The following TTC34 variants were observed in gnomAD, a reference collection of about 807,000 sequenced individuals.
The protein encoded by TTC34 is tetratricopeptide repeat protein 34.
Under a neutral mutation model 40.7 loss-of-function variants are expected in TTC34, and 44 were observed. That is an observed-to-expected ratio of 1.08 (90% CI 0.85 to 1.39). TTC34 has a LOEUF of 1.39. Ranked by LOEUF, TTC34 falls within the 40% of genes most tolerant of loss-of-function variation. TTC34 has a pLI of 0.00. For synonymous variants in TTC34, 422 were observed against 398.6 expected (o/e 1.06, Z -0.70); for missense variants, 884 against 838.0 (o/e 1.05, Z -0.68).
At chr1:2,795,164 C>T (rs577698429) in intron 2 of TTC34, among the ~76,000 whole-genome samples, 39 of 152,184 alleles carry the variant, frequency 2.6e-4, no homozygotes, top group African/African-American at 8.9e-4. Flanking sequence ...GGCAGGAGGA[C>T]TGCTTGAGCC....
At chr1:2,677,001 ACCCACCACT>A (rs1639929291) in intron 6 of TTC34, among the ~76,000 whole-genome samples, 1 of 83,154 alleles carries the variant, frequency 1.2e-5, no homozygotes, top group African/African-American at 3.7e-5. Flanking sequence ...CTGGAGCAGC[ACCCACCACT>A]CCCAGGCCAG....
chr1:2,787,635 A>G, exon 4 of TTC34: 1 of 1,549,978 alleles, frequency 6.5e-7, no homozygotes, highest in Non-Finnish European at 8.7e-7. Flanking sequence ...AGCCGCCAGG[A>G]GGCGAGAGGC....
chr1:2,759,238 C>T (rs1406793081), intron 6 of TTC34, among the ~76,000 whole-genome samples: 14 of 108,286 alleles, frequency 1.3e-4, no homozygotes, highest in Admixed American at 2.0e-4. Flanking sequence ...CACCCTGCAC[C>T]CCCGGTGCGC....
chr1:2,756,481 CT>C (rs1641510021), intron 6 of TTC34, among the ~76,000 whole-genome samples: 1 of 97,224 alleles, frequency 1.0e-5, no homozygotes, highest in Non-Finnish European at 1.9e-5. Flanking sequence ...AGGCGAGTAT[CT>C]GACAGCCTGG....
chr1:2,795,086 CAAA>C (rs35945824), intron 2 of TTC34, among the ~76,000 whole-genome samples: 11 of 134,284 alleles, frequency 8.2e-5, no homozygotes, highest in African/African-American at 2.3e-4. Context: ...CCCATCTCTA[CAAA>C]AAAAAAAAAA....
intron 6 of TTC34, among the ~76,000 whole-genome samples, chr1:2,691,229 T>G (rs1280231156): frequency 1.4e-5 from 1 of 71,670 alleles, no homozygotes; most frequent in African/African-American, 4.5e-5. Flanking sequence ...CACGCCCAGG[T>G]GAGCATCTGA....
intron 6 of TTC34, among the ~76,000 whole-genome samples, chr1:2,690,300 CT>C (rs2100359575): frequency 1.8e-5 from 2 of 114,072 alleles, no homozygotes; most frequent in East Asian, 2.9e-4. Flanking sequence ...GCACCCACAC[CT>C]CCAGGTGAGC....
intron 6 of TTC34, among the ~76,000 whole-genome samples, chr1:2,698,346 T>G (rs12748348): frequency 6.7e-3 from 160 of 23,984 alleles, no homozygotes; most frequent in Middle Eastern, 0.031. Context: ...GCATCTGACG[T>G]CCTGGAACAG....
At chr1:2,685,239 C>CT (rs1640277753) in intron 6 of TTC34, among the ~76,000 whole-genome samples, 1 of 96,914 alleles carries the variant, frequency 1.0e-5, no homozygotes, top group Non-Finnish European at 2.1e-5. Flanking sequence ...GCACCCACAC[C>CT]CCAGGTGAGC....
intron 6 of TTC34, among the ~76,000 whole-genome samples, chr1:2,755,908 A>G (rs1321023819): frequency 1.3e-5 from 1 of 79,556 alleles, no homozygotes; most frequent in South Asian, 5.8e-4. Flanking sequence ...CCACACCCCC[A>G]GGTGAGCATC....
chr1:2,791,167 G>A (rs887812720), intron 2 of TTC34, among the ~76,000 whole-genome samples: 1 of 147,246 alleles, frequency 6.8e-6, no homozygotes, highest in African/African-American at 2.5e-5. Flanking sequence ...CTGAGCAAAC[G>A]TGAATGGGGC....
At chr1:2,749,409 G>C (rs1641244212) in intron 6 of TTC34, among the ~76,000 whole-genome samples, 1 of 143,998 alleles carries the variant, frequency 6.9e-6, no homozygotes, top group Non-Finnish European at 1.5e-5. Flanking sequence ...TGCACCCCCA[G>C]GTGCGCACGT....
chr1:2,787,157 C>T (rs536033771), intron 4 of TTC34, among the ~76,000 whole-genome samples: 28 of 152,320 alleles, frequency 1.8e-4, no homozygotes, highest in African/African-American at 6.3e-4. Context: ...AGAAGCTCGG[C>T]CTGCAGTCGG....
intron 6 of TTC34, among the ~76,000 whole-genome samples, chr1:2,750,103 A>T (rs1268000859): frequency 2.8e-5 from 4 of 141,538 alleles, no homozygotes; most frequent in South Asian, 2.3e-4. Context: ...AGCATCTGAC[A>T]GCCTGGAACA....
intron 6 of TTC34, among the ~76,000 whole-genome samples, chr1:2,676,970 C>A (rs1313834953): frequency 2.8e-5 from 4 of 144,886 alleles, no homozygotes. Context: ...ACCCTGCACC[C>A]CCAGGTGAGC....
rs184047963 is a variant in TTC34, at chr1:2,641,204, G to T, written c.*164C>A. The T allele has an allele frequency of 4.0e-3, 2,657 of 659,936 alleles. 98 individuals carry two copies. The African/African-American group carries it at 0.053, about 13-fold the overall frequency. 40.9% of individuals were successfully genotyped at this position (659,936 alleles called of 1,614,324 possible). ...GGAGGGTTGGGAAGGGGGGTTGTGGGGAGGGTTGGGAAGGGGTGTGTGGGG... is the reference window on the plus strand; with the variant it reads ...GGAGGGTTGGGAAGGGGGGTTGTGGTGAGGGTTGGGAAGGGGTGTGTGGGG... On this transcript the variant is annotated 3_prime_UTR_variant, in exon 9 of 9. Coordinates refer to ENST00000401095, the Ensembl canonical transcript of TTC34.
chr1:2,785,242 G>C (rs1368487118), intron 5 of TTC34, among the ~76,000 whole-genome samples: 1 of 151,928 alleles, frequency 6.6e-6, no homozygotes, highest in Non-Finnish European at 1.5e-5. Flanking sequence ...CTTACTAAGT[G>C]CATGGCCGGG....
Position 2,752,260 on chromosome 1 carries a change from G to T in TTC34, c.2226+31349C>A, listed in dbSNP as rs1364362464. ...GAACAGCTCCCAAATGCCCAGCTGA[G>T]CCTCTGACAGCCTGGAACAGCACCT... On this transcript the variant is annotated intron_variant, in intron 6 of 8. Coordinates refer to ENST00000401095, the Ensembl canonical transcript of TTC34. Among the ~76,000 whole-genome samples, 2 of 106,092 alleles carry T rather than the reference G, an allele frequency of 1.9e-5. 1 individual carries two copies. Among genetic ancestry groups the T allele is most frequent in the African/African-American group, 9.1e-5 (2 of 21,992 alleles). The allele number at this position is 106,092 out of a possible 152,430, so 69.6% of individuals were successfully genotyped here. A position where few individuals can be genotyped will look rare whatever the true frequency, so the allele number is the denominator to read the frequency against.
At chr1:2,755,213 AC>A (rs1641465250) in intron 6 of TTC34, among the ~76,000 whole-genome samples, 1 of 47,982 alleles carries the variant, frequency 2.1e-5, no homozygotes, top group Non-Finnish European at 3.3e-5. Context: ...CTGGAGCAGC[AC>A]CTCACACCCC....
Sources: allele counts gnomAD v4.1 joint callset (sites outside exome capture counted in the v4.1 genomes callset), GRCh38; gene constraint gnomAD v4.1.1; transcripts MANE v1.5; gene names NCBI Gene and HGNC (gene_info 2026-07-23, HGNC 2026-07-21).